SEL1L2: variants seen among roughly 807,000 people sequenced by gnomAD.
SEL1L2 encodes the protein protein sel-1 homolog 2.
In SEL1L2, 89 loss-of-function variants were observed where a neutral mutation model predicts 98.8. The observed-to-expected ratio is 0.90, with a 90% CI of 0.76 to 1.07. The LOEUF is 1.07. Among genes scored for constraint, SEL1L2 ranks in the 50% least tolerant of loss-of-function variants. The pLI is 0.00. For missense variants in SEL1L2, 788 were observed against 812.0 expected (o/e 0.97, Z 0.36); for synonymous variants, 262 against 278.5 (o/e 0.94, Z 0.59).
chr20:13,888,367 G>T, intron 6 of SEL1L2, 92 bp downstream of exon 6: 1 of 818,446 alleles, frequency 1.2e-6, no homozygotes, highest in Non-Finnish European at 2.0e-6. Context: ...TACTACACTA[G>T]AGTGAGCCCC....
At chr20:13,907,186 A>G (rs1326513994) in intron 5 of SEL1L2, among the ~76,000 whole-genome samples, 1 of 152,218 alleles carries the variant, frequency 6.6e-6, no homozygotes, top group Non-Finnish European at 1.5e-5. Flanking sequence ...AAGGAAGTGT[A>G]TACATCTAAG....
At chr20:13,988,968 A>G (rs1191469368) in intron 1 of SEL1L2, among the ~76,000 whole-genome samples, 1 of 152,180 alleles carries the variant, frequency 6.6e-6, no homozygotes, top group Non-Finnish European at 1.5e-5. Context: ...AGCCGAGATC[A>G]CGTCATTGCA....
intron 4 of SEL1L2, chr20:13,915,190 T>C: frequency 7.8e-7 from 1 of 1,289,460 alleles, no homozygotes; most frequent in Non-Finnish European, 1.0e-6. Flanking sequence ...AGCAGAGTAG[T>C]CCAGGCAAGA....
chr20:13,987,689 T>G (rs941817381), intron 1 of SEL1L2, among the ~76,000 whole-genome samples: 1 of 152,144 alleles, frequency 6.6e-6, no homozygotes. Flanking sequence ...CTAGTGGGTG[T>G]GATGTGATAA....
At chr20:13,953,386 C>T (rs1483175550) in intron 2 of SEL1L2, among the ~76,000 whole-genome samples, 2 of 152,320 alleles carry the variant, frequency 1.3e-5, no homozygotes, top group Admixed American at 6.5e-5. Context: ...GCTAGCTAGA[C>T]CTCTGAGGGA....
chr20:13,870,724 A>T (rs901885905), intron 12 of SEL1L2, among the ~76,000 whole-genome samples: 13 of 152,084 alleles, frequency 8.5e-5, no homozygotes, highest in Non-Finnish European at 1.0e-4. Flanking sequence ...GGAGTTCGAG[A>T]CCATCCTGGC....
Position 13,886,283 on chromosome 20 carries a change from A to G in SEL1L2, c.900+5T>C. On this transcript the variant is annotated splice_donor_5th_base_variant and intron_variant, in intron 9 of 19. Transcript: ENST00000284951. ...TAAAAACTCAATCTCATCTGTATAC[A>G]TTACTTGTATCTGAACATCTCCTCT... 1.2e-6 allele frequency: 2 copies of G among 1,601,210 alleles called. No homozygotes were observed. The highest frequency in any genetic ancestry group is 1.7e-6 in the Non-Finnish European group (2 of 1,171,198).
intron 5 of SEL1L2, among the ~76,000 whole-genome samples, chr20:13,893,269 T>C (rs1032606728): frequency 3.3e-5 from 5 of 152,146 alleles, no homozygotes; most frequent in Admixed American, 2.0e-4. Flanking sequence ...AATCTGCAGA[T>C]TGCTTTTAGA....
chr20:13,988,999 G>C (rs1378317869), intron 1 of SEL1L2, among the ~76,000 whole-genome samples: 2 of 152,112 alleles, frequency 1.3e-5, no homozygotes, highest in East Asian at 3.9e-4. Flanking sequence ...GGCAACAAGA[G>C]CGAAACTCCA....
chr20:13,907,068 A>T (rs1161504756), intron 5 of SEL1L2, among the ~76,000 whole-genome samples: 2 of 152,382 alleles, frequency 1.3e-5, no homozygotes, highest in East Asian at 3.9e-4. Context: ...ATGATAAAAT[A>T]GGGAAACACT....
At chr20:13,914,980 AT>A (rs1216603583) in intron 4 of SEL1L2, 2 of 651,436 alleles carry the variant, frequency 3.1e-6, no homozygotes, top group Non-Finnish European at 4.4e-6. Context: ...TTAGGGATTT[AT>A]TTTTACTTTT....
intron 1 of SEL1L2, among the ~76,000 whole-genome samples, chr20:13,961,502 C>T (rs1450676328): frequency 2.0e-5 from 3 of 152,082 alleles, no homozygotes; most frequent in Non-Finnish European, 4.4e-5. Flanking sequence ...GGAAGCCCAT[C>T]GGATTCATAG....
chr20:13,973,194 T>C (rs2051364529), intron 1 of SEL1L2: 1 of 152,242 alleles, frequency 6.6e-6, no homozygotes, highest in Non-Finnish European at 1.5e-5. Context: ...TATCAGATAT[T>C]TCATTTCTAA....
intron 2 of SEL1L2, among the ~76,000 whole-genome samples, chr20:13,955,393 A>C (rs992777548): frequency 6.6e-6 from 1 of 152,062 alleles, no homozygotes; most frequent in Admixed American, 6.6e-5. Flanking sequence ...ATCTGGGTGC[A>C]AAGGTATTCC....
At chr20:13,938,546 C>T (rs779216111) in intron 2 of SEL1L2, among the ~76,000 whole-genome samples, 2 of 152,142 alleles carry the variant, frequency 1.3e-5, no homozygotes, top group Non-Finnish European at 2.9e-5. Context: ...TACATGTTAA[C>T]ATATAAACAT....
At chr20:13,977,753 TA>T (rs1413252570) in intron 1 of SEL1L2, among the ~76,000 whole-genome samples, 1 of 152,142 alleles carries the variant, frequency 6.6e-6, no homozygotes, top group Admixed American at 6.6e-5. Context: ...CAATAAGTGC[TA>T]CCCTACTGAA....
Position 13,900,420 on chromosome 20 carries a change from A to G in SEL1L2, c.550-11908T>C, listed in dbSNP as rs929021513. Among the ~76,000 whole-genome samples the G allele has an allele frequency of 3.3e-5, 5 of 152,190 alleles. No individual in the cohort carries two copies. In the East Asian group the frequency reaches 9.6e-4, roughly 29 times the overall value. ...TCAGGGGCCCTGGGTTTTCTGGTAC[A>G]CACTGAAAAAGTGCCCACTTGTAAC... On this transcript the variant is annotated intron_variant, in intron 5 of 19. Coordinates refer to ENST00000284951, the MANE Select transcript of SEL1L2 (RefSeq NM_025229.2).
chr20:13,849,752 G>T, intron 19 of SEL1L2, 148 bp from the exon 20 acceptor site: 2 of 883,102 alleles, frequency 2.3e-6, no homozygotes, highest in Non-Finnish European at 3.4e-6. Flanking sequence ...ATCTTCGCTT[G>T]CTTACATCTT....
At chr20:13,924,948 G>C (rs1430590730) in intron 3 of SEL1L2, among the ~76,000 whole-genome samples, 1 of 151,996 alleles carries the variant, frequency 6.6e-6, no homozygotes, top group African/African-American at 2.4e-5. Context: ...AGACCAGCCT[G>C]GCCAACATGG....
Sources: allele counts gnomAD v4.1 joint callset (sites outside exome capture counted in the v4.1 genomes callset), GRCh38; gene constraint gnomAD v4.1.1; transcripts MANE v1.5; gene names NCBI Gene and HGNC (gene_info 2026-07-23, HGNC 2026-07-21).